TAFA1: variants seen among roughly 807,000 people sequenced by gnomAD.
TAFA1 encodes the protein TAFA chemokine like family member 1, also known as chemokine-like protein TAFA-1.
In TAFA1, 4 loss-of-function variants were observed where a neutral mutation model predicts 18.5. That is an observed-to-expected ratio of 0.22 (90% CI 0.11 to 0.49). The LOEUF (loss-of-function observed/expected upper bound fraction) is 0.49, where lower values mean the gene tolerates loss of function less well. Ranked by LOEUF, TAFA1 falls within the 20% of genes least tolerant of loss-of-function variation. The probability of loss-of-function intolerance (pLI) is 0.98; values close to 1 mark genes in which losing one functional copy is unlikely to be tolerated. For synonymous variants in TAFA1, 56 were observed against 55.2 expected, an observed-to-expected ratio of 1.01 and a Z score of -0.06; for missense variants, 147 against 169.0, an observed-to-expected ratio of 0.87 and a Z score of 0.72.
chr3:68,535,452 C>G (rs2073262754), intron 3 of TAFA1, among the ~76,000 whole-genome samples: 1 of 150,520 alleles, frequency 6.6e-6, no homozygotes, highest in Admixed American at 6.6e-5. Flanking sequence ...GTCTTCTATT[C>G]AAACTCTGTT....
At chr3:68,083,874 G>T (rs1011160244) in intron 2 of TAFA1, among the ~76,000 whole-genome samples, 1 of 151,798 alleles carries the variant, frequency 6.6e-6, no homozygotes, top group African/African-American at 2.4e-5. Context: ...CACATATCTT[G>T]TTAGTGTCCC....
intron 2 of TAFA1, among the ~76,000 whole-genome samples, chr3:68,154,615 T>A (rs2065844804): frequency 6.6e-6 from 1 of 152,182 alleles, no homozygotes; most frequent in African/African-American, 2.4e-5. Flanking sequence ...AGAGACCAGG[T>A]CCGCCTTTTT....
Position 68,324,278 on chromosome 3 carries a change from G to A in TAFA1, c.119-93002G>A, listed in dbSNP as rs1226021658. ...TAGCCTTGTTGATAAATATAGCCTT[G>A]TTGATAAATATACTTTCTTTTAAAA... is the stretch of plus-strand genomic sequence containing the variant. On this transcript the variant is annotated intron_variant, in intron 2 of 4. Transcript: ENST00000478136. Among the ~76,000 whole-genome samples, 3 of 84,778 alleles carry A rather than the reference G, an allele frequency of 3.5e-5. No individual in the cohort carries two copies. The East Asian group carries it at 8.0e-4, about 23-fold the overall frequency. 55.6% of individuals were successfully genotyped at this position (84,778 alleles called of 152,430 possible).
intron 2 of TAFA1, among the ~76,000 whole-genome samples, chr3:68,260,365 T>A (rs2067390057): frequency 6.6e-6 from 1 of 152,126 alleles, no homozygotes; most frequent in Admixed American, 6.6e-5. Context: ...GATTTTTGCA[T>A]CAATGTTCAT....
intron 2 of TAFA1, among the ~76,000 whole-genome samples, chr3:68,065,485 T>G (rs548544147): frequency 2.0e-5 from 3 of 152,168 alleles, no homozygotes; most frequent in African/African-American, 7.2e-5. Flanking sequence ...CCCCTTTATG[T>G]TTAAAGAAAC....
At chr3:68,413,059 G>A (rs998809846) in intron 2 of TAFA1, among the ~76,000 whole-genome samples, 2 of 152,044 alleles carry the variant, frequency 1.3e-5, no homozygotes, top group Middle Eastern at 3.4e-3. Context: ...ACTTTTTAAT[G>A]ATCACCATTC....
At chr3:68,442,678 T>C (rs2071406004) in intron 3 of TAFA1, among the ~76,000 whole-genome samples, 1 of 152,124 alleles carries the variant, frequency 6.6e-6, no homozygotes, top group Non-Finnish European at 1.5e-5. Flanking sequence ...ATCTACAAAA[T>C]GTATGGGATG....
chr3:68,369,279 T>G (rs1039736917), intron 2 of TAFA1, among the ~76,000 whole-genome samples: 1 of 152,194 alleles, frequency 6.6e-6, no homozygotes, highest in East Asian at 1.9e-4. Context: ...ACCATTGTAA[T>G]AGGTAAGATG....
rs185118906 is a variant in TAFA1, at chr3:68,067,237, C to T, written c.118+60493C>T. 1.8e-4 allele frequency among the ~76,000 whole-genome samples: 27 copies of T among 152,276 alleles called. No individual in the cohort carries two copies. In the East Asian group the frequency reaches 4.1e-3, roughly 23 times the overall value. On this transcript the variant is annotated intron_variant, in intron 2 of 4. Coordinates refer to ENST00000478136, the MANE Select transcript of TAFA1 (RefSeq NM_213609.4). ...CCATGGCTATCCTAAATATGCCTAA[C>T]GTAAGGATTTGCCTCTTTAATTGTC... is the stretch of plus-strand genomic sequence containing the variant.
intron 3 of TAFA1, among the ~76,000 whole-genome samples, chr3:68,446,639 C>A (rs529442152): frequency 1.3e-5 from 2 of 152,250 alleles, no homozygotes; most frequent in Admixed American, 6.5e-5. Context: ...AAAAGAATCA[C>A]AAAATCAGCT....
intron 2 of TAFA1, among the ~76,000 whole-genome samples, chr3:68,254,119 ATG>A (rs1559579715): frequency 7.5e-6 from 1 of 133,156 alleles, no homozygotes; most frequent in East Asian, 2.7e-4. Flanking sequence ...GTATGTATGT[ATG>A]TATGTATGTA....
In TAFA1 at chr3:68,156,016, A is replaced by T. The variant is rs1012432514; in HGVS notation, c.118+149272A>T. Reference sequence around the variant, plus strand: ...TACTTTTTTTCCCCCTTCAAGTACCAGGTGGTCCAAACCCCAGGGTCAAGC... The same window carrying T: ...TACTTTTTTTCCCCCTTCAAGTACCTGGTGGTCCAAACCCCAGGGTCAAGC... On this transcript the variant is annotated intron_variant, in intron 2 of 4. Coordinates refer to ENST00000478136, the MANE Select transcript of TAFA1 (RefSeq NM_213609.4). 6.6e-5 allele frequency among the ~76,000 whole-genome samples: 10 copies of T among 152,174 alleles called. 1 individual carries two copies. The South Asian group carries it at 2.1e-3, about 32-fold the overall frequency.
chr3:68,417,658 G>A (rs1453134659), intron 3 of TAFA1: 11 of 485,872 alleles, frequency 2.3e-5, no homozygotes, highest in Non-Finnish European at 3.7e-5. Context: ...AGCATTGAGA[G>A]GTGGGACCTT....
chr3:68,298,201 AGC>A (rs1348601345), intron 2 of TAFA1, among the ~76,000 whole-genome samples: 3 of 152,190 alleles, frequency 2.0e-5, no homozygotes, highest in African/African-American at 7.2e-5. Flanking sequence ...TCTTGGTAGC[AGC>A]CAGAGGTGGA....
chr3:68,103,828 G>C (rs1314265216), intron 2 of TAFA1, among the ~76,000 whole-genome samples: 1 of 152,054 alleles, frequency 6.6e-6, no homozygotes, highest in Non-Finnish European at 1.5e-5. Flanking sequence ...CTATGAAGTG[G>C]GTACTTTTAT....
At chr3:68,450,541 T>G (rs183542792) in intron 3 of TAFA1, among the ~76,000 whole-genome samples, 16 of 152,312 alleles carry the variant, frequency 1.1e-4, no homozygotes, top group African/African-American at 3.8e-4. Context: ...CAACAGTGTA[T>G]TTTAAGGATC....
chr3:68,189,371 C>A (rs571337890), intron 2 of TAFA1, among the ~76,000 whole-genome samples: 13 of 152,008 alleles, frequency 8.6e-5, no homozygotes, highest in African/African-American at 3.1e-4. Context: ...TACCATTCAA[C>A]CCTGTCCTTG....
intron 2 of TAFA1, among the ~76,000 whole-genome samples, chr3:68,367,667 A>G (rs2069599549): frequency 6.6e-6 from 1 of 152,172 alleles, no homozygotes; most frequent in Non-Finnish European, 1.5e-5. Context: ...GAAAGATTTT[A>G]AAAATCTAGT....
intron 2 of TAFA1, chr3:68,247,747 ACT>A (rs753164646): frequency 5.9e-5 from 9 of 152,274 alleles, no homozygotes; most frequent in Non-Finnish European, 1.0e-4. Flanking sequence ...ACGATTCATG[ACT>A]CTGTTGCAGA....
Sources: gnomAD v4.1 joint callset for allele counts (sites outside exome capture counted in the v4.1 genomes callset) on GRCh38, gnomAD v4.1.1 for gene constraint, MANE v1.5 for transcripts, NCBI Gene and HGNC (gene_info 2026-07-23, HGNC 2026-07-21) for gene names.